The following ARHGAP15 variants were observed in gnomAD, a reference collection of about 807,000 sequenced individuals.
The protein encoded by ARHGAP15 is rho GTPase-activating protein 15.
A neutral mutation model predicts 63.7 loss-of-function variants in ARHGAP15; 51 were observed. The ratio of observed to expected loss-of-function variants is 0.80; its 90% CI spans 0.64 to 1.01. ARHGAP15 has a LOEUF of 1.01. Among genes scored for constraint, ARHGAP15 ranks in the 50% least tolerant of loss-of-function variants. The probability of loss-of-function intolerance (pLI) is 0.00; values close to 1 mark genes in which losing one functional copy is unlikely to be tolerated. For missense variants in ARHGAP15, 560 were observed against 564.6 expected (o/e 0.99, Z 0.08); for synonymous variants, 191 against 193.8 (o/e 0.99, Z 0.12).
At chr2:143,503,572 A>G (rs1292877810) in intron 9 of ARHGAP15, among the ~76,000 whole-genome samples, 1 of 152,236 alleles carries the variant, frequency 6.6e-6, no homozygotes, top group Non-Finnish European at 1.5e-5. Context: ...ATTGATGGTT[A>G]TACTCTACTC....
chr2:143,327,262 G>A (rs759720322), intron 6 of ARHGAP15, among the ~76,000 whole-genome samples: 10 of 152,150 alleles, frequency 6.6e-5, no homozygotes, highest in Non-Finnish European at 1.2e-4. Context: ...CAAACAAATG[G>A]AAAAACATTC....
chr2:143,303,970 A>C (rs907574496), intron 6 of ARHGAP15, among the ~76,000 whole-genome samples: 13 of 152,108 alleles, frequency 8.5e-5, no homozygotes, highest in Non-Finnish European at 1.9e-4. Context: ...GCTGGAGAGG[A>C]TGTGGAGAAC....
intron 9 of ARHGAP15, among the ~76,000 whole-genome samples, chr2:143,506,923 T>G (rs1003663377): frequency 6.6e-6 from 1 of 152,188 alleles, no homozygotes; most frequent in African/African-American, 2.4e-5. Flanking sequence ...GCTGTTTTAA[T>G]ATCAAAGGAA....
chr2:143,377,592 A>G (rs1213484422), intron 6 of ARHGAP15, among the ~76,000 whole-genome samples: 2 of 152,042 alleles, frequency 1.3e-5, no homozygotes, highest in East Asian at 1.9e-4. Flanking sequence ...TGTGAAAGTT[A>G]CAAGTCACTA....
At chr2:143,399,813 C>A (rs952543095) in intron 6 of ARHGAP15, among the ~76,000 whole-genome samples, 1 of 151,980 alleles carries the variant, frequency 6.6e-6, no homozygotes, top group African/African-American at 2.4e-5. Context: ...TGGATCTGAT[C>A]CTTTTCCTCT....
intron 6 of ARHGAP15, among the ~76,000 whole-genome samples, chr2:143,387,885 G>A (rs1687363876): frequency 6.7e-6 from 1 of 149,606 alleles, no homozygotes; most frequent in Non-Finnish European, 1.5e-5. Flanking sequence ...ACGCATGCGT[G>A]CACATACACA....
intron 6 of ARHGAP15, among the ~76,000 whole-genome samples, chr2:143,318,192 G>C (rs1683814307): frequency 6.6e-6 from 1 of 151,312 alleles, no homozygotes; most frequent in Admixed American, 6.6e-5. Context: ...TTTTTTAGTA[G>C]AGACAGGGTT....
In ARHGAP15 at chr2:143,637,008, T is replaced by C. The variant is rs78814742; in HGVS notation, c.1138+12741T>C. Reference sequence around the variant, plus strand: ...AACACAAGATCATTGTGTCCTCAAATACAAGAAGGAGTGGGCTCTGATCTT... The same window carrying C: ...AACACAAGATCATTGTGTCCTCAAACACAAGAAGGAGTGGGCTCTGATCTT... On this transcript the variant is annotated intron_variant, in intron 12 of 13. Coordinates refer to ENST00000295095, the MANE Select transcript of ARHGAP15 (RefSeq NM_018460.4). 1.2e-3 allele frequency among the ~76,000 whole-genome samples: 186 copies of C among 152,180 alleles called. 1 individual carries two copies. In the East Asian group the frequency reaches 0.031, roughly 26 times the overall value.
chr2:143,690,747 G>A (rs972322051), intron 12 of ARHGAP15, among the ~76,000 whole-genome samples: 1 of 152,076 alleles, frequency 6.6e-6, no homozygotes, highest in East Asian at 1.9e-4. Context: ...CTGGTAAGGA[G>A]GTGTGCGAAT....
At chr2:143,144,266 T>C (rs1199939417) in intron 1 of ARHGAP15, among the ~76,000 whole-genome samples, 1 of 152,084 alleles carries the variant, frequency 6.6e-6, no homozygotes, top group Non-Finnish European at 1.5e-5. Flanking sequence ...TTTGGGTATA[T>C]ACCTAGTAAT....
intron 13 of ARHGAP15, among the ~76,000 whole-genome samples, chr2:143,710,277 T>C (rs140152714): frequency 1.1e-3 from 170 of 152,356 alleles, no homozygotes; most frequent in Admixed American, 1.6e-3. Flanking sequence ...TTTAAAGAGC[T>C]AATGTACTTC....
At chr2:143,164,734 T>A (rs1033647199) in intron 2 of ARHGAP15, among the ~76,000 whole-genome samples, 1 of 151,930 alleles carries the variant, frequency 6.6e-6, no homozygotes, top group Non-Finnish European at 1.5e-5. Context: ...TCATCATTAT[T>A]ATTACTACAT....
At chr2:143,594,903 T>C (rs1426713827) in intron 11 of ARHGAP15, among the ~76,000 whole-genome samples, 1 of 152,176 alleles carries the variant, frequency 6.6e-6, no homozygotes, top group East Asian at 1.9e-4. Flanking sequence ...GTGACAAATG[T>C]CAGCAGCATC....
intron 6 of ARHGAP15, chr2:143,351,464 C>T (rs1390556783): frequency 6.6e-6 from 1 of 152,144 alleles, no homozygotes; most frequent in Non-Finnish European, 1.5e-5. Context: ...GGATATAACA[C>T]TATAATCAAA....
At chr2:143,257,731 G>T (rs1400147780) in intron 6 of ARHGAP15, among the ~76,000 whole-genome samples, 2 of 152,112 alleles carry the variant, frequency 1.3e-5, no homozygotes, top group Non-Finnish European at 1.5e-5. Flanking sequence ...TAAGCAGAAT[G>T]AGACTAACTG....
chr2:143,359,890 T>A (rs1685967100), intron 6 of ARHGAP15, among the ~76,000 whole-genome samples: 1 of 152,144 alleles, frequency 6.6e-6, no homozygotes, highest in South Asian at 2.1e-4. Flanking sequence ...CATAAAGTAG[T>A]TTATCACTTC....
intron 10 of ARHGAP15, among the ~76,000 whole-genome samples, chr2:143,549,337 C>G (rs1695462974): frequency 6.6e-6 from 1 of 151,984 alleles, no homozygotes; most frequent in Non-Finnish European, 1.5e-5. Context: ...GATAATGGTG[C>G]TGAAAACAGA....
At chr2:143,178,960 G>A (rs1454216532) in intron 2 of ARHGAP15, among the ~76,000 whole-genome samples, 1 of 152,176 alleles carries the variant, frequency 6.6e-6, no homozygotes, top group Non-Finnish European at 1.5e-5. Flanking sequence ...TCTTTAGAAA[G>A]CAACACTAAA....
chr2:143,270,211 T>C (rs564212591), intron 6 of ARHGAP15, among the ~76,000 whole-genome samples: 2 of 152,320 alleles, frequency 1.3e-5, no homozygotes, highest in Non-Finnish European at 2.9e-5. Context: ...CCTTAGGTGA[T>C]CCACCTGCCT....
Sources: allele counts gnomAD v4.1 joint callset (sites outside exome capture counted in the v4.1 genomes callset), GRCh38; gene constraint gnomAD v4.1.1; transcripts MANE v1.5; gene names NCBI Gene and HGNC (gene_info 2026-07-23, HGNC 2026-07-21).